The following GABBR2 variants were observed in gnomAD, a reference collection of about 807,000 sequenced individuals.
GABBR2 encodes gamma-aminobutyric acid type B receptor subunit 2, also known as G-protein coupled receptor 51.
Under a neutral mutation model 105.6 loss-of-function variants are expected in GABBR2, and 23 were observed. The observed-to-expected ratio is 0.22, with a 90% CI of 0.16 to 0.31. The LOEUF (loss-of-function observed/expected upper bound fraction) is 0.31. Among genes scored for constraint, GABBR2 ranks in the 10% least tolerant of loss-of-function variants. GABBR2 has a pLI of 1.00. For synonymous variants in GABBR2, 478 were observed against 499.7 expected (o/e 0.96, Z 0.58); for missense variants, 734 against 1,245.5 (o/e 0.59, Z 6.18).
chr9:98,505,307 A>T (rs12683969), intron 3 of GABBR2, among the ~76,000 whole-genome samples: 1 of 152,138 alleles, frequency 6.6e-6, no homozygotes, highest in African/African-American at 2.4e-5. Context: ...CAGATTTGAA[A>T]GTAAGTGAAA....
chr9:98,496,575 G>T, intron 3 of GABBR2, 61 bp from the exon 4 acceptor site: 1 of 1,106,742 alleles, frequency 9.0e-7, no homozygotes, highest in Non-Finnish European at 1.4e-6. Flanking sequence ...GGCCAGTTCC[G>T]AGGGGTCACC....
At chr9:98,531,210 T>C (rs73488485) in intron 3 of GABBR2, among the ~76,000 whole-genome samples, 2,257 of 152,222 alleles carry the variant, frequency 0.015, 29 homozygotes, top group Admixed American at 0.018. Flanking sequence ...GAGCCTGGCG[T>C]TGGCACCACA....
intron 18 of GABBR2, 29 bp downstream of exon 18, chr9:98,293,756 G>T: frequency 1.7e-6 from 2 of 1,198,378 alleles, no homozygotes; most frequent in African/African-American, 1.5e-5. Flanking sequence ...TTCTTCTTCA[G>T]TTATAATTCT....
At chr9:98,577,808 C>T (rs1424161373) in intron 2 of GABBR2, 127 bp downstream of exon 2, 16 of 869,932 alleles carry the variant, frequency 1.8e-5, no homozygotes, top group Non-Finnish European at 2.6e-5. Flanking sequence ...TGCTATCACC[C>T]AGGAGAAAGT....
At chr9:98,652,975 G>T (rs755609638) in intron 1 of GABBR2, among the ~76,000 whole-genome samples, 2 of 152,192 alleles carry the variant, frequency 1.3e-5, no homozygotes. Flanking sequence ...CATGTGTTTT[G>T]GCTACACTCC....
chr9:98,671,150 C>A (rs548790729), intron 1 of GABBR2, among the ~76,000 whole-genome samples: 20 of 152,244 alleles, frequency 1.3e-4, no homozygotes, highest in South Asian at 4.1e-4. Context: ...CTGCCACCCC[C>A]CCGCCCCACT....
chr9:98,413,877 G>A (rs1832634627), intron 7 of GABBR2, among the ~76,000 whole-genome samples: 1 of 152,222 alleles, frequency 6.6e-6, no homozygotes, highest in Non-Finnish European at 1.5e-5. Flanking sequence ...TAATAAGAGA[G>A]TCAGGCTTAT....
At chr9:98,576,776 C>G (rs973661197) in intron 2 of GABBR2, among the ~76,000 whole-genome samples, 1 of 152,216 alleles carries the variant, frequency 6.6e-6, no homozygotes, top group Non-Finnish European at 1.5e-5. Context: ...TACTTACTTG[C>G]TTCTTGCCTG....
intron 3 of GABBR2, among the ~76,000 whole-genome samples, chr9:98,500,140 C>T (rs1286485110): frequency 2.0e-5 from 3 of 152,234 alleles, no homozygotes; most frequent in Non-Finnish European, 4.4e-5. Context: ...AAAATGATTT[C>T]CTTTTTTCTA....
At chr9:98,492,178 T>A (rs531352699) in intron 4 of GABBR2, among the ~76,000 whole-genome samples, 1 of 151,794 alleles carries the variant, frequency 6.6e-6, no homozygotes, top group East Asian at 1.9e-4. Context: ...TAAGTATGAC[T>A]CTCTTTTCAC....
At chr9:98,527,410 G>C (rs752862715) in intron 3 of GABBR2, among the ~76,000 whole-genome samples, 1 of 152,028 alleles carries the variant, frequency 6.6e-6, no homozygotes, top group Non-Finnish European at 1.5e-5. Context: ...CTGGAAAATA[G>C]AAAGCAAGTT....
At chr9:98,517,717 T>A (rs1827785137) in intron 3 of GABBR2, among the ~76,000 whole-genome samples, 1 of 152,224 alleles carries the variant, frequency 6.6e-6, no homozygotes, top group African/African-American at 2.4e-5. Context: ...GCCCTGCTTT[T>A]TTCATGGAAT....
At chr9:98,669,867 T>G (rs2131860205) in intron 1 of GABBR2, among the ~76,000 whole-genome samples, 1 of 151,276 alleles carries the variant, frequency 6.6e-6, no homozygotes, top group Non-Finnish European at 1.5e-5. Flanking sequence ...AGGAATCTAG[T>G]CCAAGGAGTC....
rs1831612136 is a variant in GABBR2, at chr9:98,362,917, G to C, written c.1771-80C>G. On this transcript the variant is annotated intron_variant, in intron 12 of 18. Coordinates refer to ENST00000259455, the MANE Select transcript of GABBR2 (RefSeq NM_005458.8). ...AGCAACTGGGGGCCCAGGTCATAGGGGGAACCTGCATCATGAACCCCCCAG... is the reference window on the plus strand; with the variant it reads ...AGCAACTGGGGGCCCAGGTCATAGGCGGAACCTGCATCATGAACCCCCCAG... 3.1e-6 allele frequency: 4 copies of C among 1,280,696 alleles called. No homozygotes were observed. In the Admixed American group the frequency reaches 8.2e-5, roughly 26 times the overall value. The allele number at this position is 1,280,696 out of a possible 1,614,324, so 79.3% of individuals were successfully genotyped here.
At chr9:98,622,418 G>A (rs987731198) in intron 1 of GABBR2, among the ~76,000 whole-genome samples, 5 of 152,040 alleles carry the variant, frequency 3.3e-5, no homozygotes, top group African/African-American at 4.8e-5. Flanking sequence ...CTCCTGTCTC[G>A]ACCTCCCAAA....
chr9:98,537,608 AT>A (rs35175650), intron 3 of GABBR2, among the ~76,000 whole-genome samples: 5 of 150,738 alleles, frequency 3.3e-5, no homozygotes, highest in Non-Finnish European at 1.5e-5. Flanking sequence ...TAATTTTTGT[AT>A]TTTTTTTTGT....
At chr9:98,357,180 T>C (rs201737385) in intron 13 of GABBR2, among the ~76,000 whole-genome samples, 117 of 152,352 alleles carry the variant, frequency 7.7e-4, no homozygotes, top group African/African-American at 2.6e-3. Flanking sequence ...GTATCAACAT[T>C]GGTTCATCAT....
chr9:98,456,147 T>G (rs914435766), intron 6 of GABBR2, among the ~76,000 whole-genome samples: 1 of 151,902 alleles, frequency 6.6e-6, no homozygotes, highest in Non-Finnish European at 1.5e-5. Flanking sequence ...AAGCTCATAG[T>G]CATCCCCGCC....
At chr9:98,344,066 G>A (rs1436133153) in intron 13 of GABBR2, among the ~76,000 whole-genome samples, 1 of 152,108 alleles carries the variant, frequency 6.6e-6, no homozygotes, top group African/African-American at 2.4e-5. Context: ...CTGAGCTTCT[G>A]CTAGGTCTTC....
Sources: gnomAD v4.1 joint callset for allele counts (sites outside exome capture counted in the v4.1 genomes callset) on GRCh38, gnomAD v4.1.1 for gene constraint, MANE v1.5 for transcripts, NCBI Gene and HGNC (gene_info 2026-07-23, HGNC 2026-07-21) for gene names.